Variants in HIRA observed in about 807,000 individuals in gnomAD.
HIRA encodes protein HIRA.
Under a neutral mutation model 126.6 loss-of-function variants are expected in HIRA, and 13 were observed. That is an observed-to-expected ratio of 0.10 (90% CI 0.07 to 0.16). HIRA has a LOEUF of 0.16. HIRA is among the 10% of genes least tolerant of loss of function. The pLI is 1.00. For missense variants in HIRA, 834 were observed against 1,314.4 expected (o/e 0.63, Z 5.65); for synonymous variants, 511 against 520.0 (o/e 0.98, Z 0.24).
At chr22:19,345,379 C>T (rs868943852) in intron 24 of HIRA, among the ~76,000 whole-genome samples, 3 of 152,186 alleles carry the variant, frequency 2.0e-5, no homozygotes, top group African/African-American at 4.8e-5. Flanking sequence ...CCTCACCCTT[C>T]GGCTCTCAGT....
At chr22:19,399,180 G>T in intron 5 of HIRA, 1 of 984,462 alleles carries the variant, frequency 1.0e-6, no homozygotes, top group Non-Finnish European at 1.2e-6. Context: ...TAACCTCAGC[G>T]CCTGGTGCAG....
intron 24 of HIRA, among the ~76,000 whole-genome samples, chr22:19,341,474 C>T (rs1556007529): frequency 7.5e-6 from 1 of 133,842 alleles, no homozygotes; most frequent in Non-Finnish European, 1.6e-5. Context: ...AAAAAAAAAT[C>T]ATATGGAACA....
chr22:19,408,978 A>G (rs949081848), intron 2 of HIRA, among the ~76,000 whole-genome samples: 2 of 152,174 alleles, frequency 1.3e-5, no homozygotes, highest in Admixed American at 1.3e-4. Flanking sequence ...AGGAGAAGGG[A>G]AAGTCAATGT....
intron 15 of HIRA, among the ~76,000 whole-genome samples, chr22:19,372,302 A>G (rs1197096340): frequency 6.6e-6 from 1 of 152,198 alleles, no homozygotes; most frequent in Non-Finnish European, 1.5e-5. Flanking sequence ...GAAGTATTTC[A>G]TTGAAGTTTT....
intron 24 of HIRA, among the ~76,000 whole-genome samples, chr22:19,348,321 A>G (rs2088711066): frequency 6.6e-6 from 1 of 152,228 alleles, no homozygotes; most frequent in African/African-American, 2.4e-5. Flanking sequence ...AGATAAGACA[A>G]TCTGAATGAG....
intron 1 of HIRA, among the ~76,000 whole-genome samples, chr22:19,429,732 T>C (rs1013164760): frequency 6.6e-6 from 1 of 152,208 alleles, no homozygotes; most frequent in African/African-American, 2.4e-5. Flanking sequence ...CATAAAACTT[T>C]TGGCCTACAA....
chr22:19,364,222 GGTGTA>G (rs1326938987), intron 15 of HIRA, among the ~76,000 whole-genome samples: 1 of 151,936 alleles, frequency 6.6e-6, no homozygotes, highest in African/African-American at 2.4e-5. Flanking sequence ...AAAAAAAGGT[GGTGTA>G]GTTACGTAAG....
chr22:19,358,864 C>T (rs550905398), intron 18 of HIRA, among the ~76,000 whole-genome samples: 29 of 152,262 alleles, frequency 1.9e-4, no homozygotes, highest in Admixed American at 6.5e-4. Flanking sequence ...TACTGGGTGA[C>T]TAATCACTGA....
intron 3 of HIRA, among the ~76,000 whole-genome samples, chr22:19,407,848 A>AGAGC (rs1282161214): frequency 2.6e-5 from 4 of 152,344 alleles, no homozygotes; most frequent in African/African-American, 7.2e-5. Context: ...CTGATGGGCC[A>AGAGC]GAGCCTCCAA....
intron 9 of HIRA, among the ~76,000 whole-genome samples, chr22:19,389,021 C>A (rs1465500421): frequency 6.6e-6 from 1 of 152,186 alleles, no homozygotes; most frequent in African/African-American, 2.4e-5. Flanking sequence ...TTATCCAAGG[C>A]TCATTCTACA....
At chr22:19,408,673 G>A (rs1230676653) in intron 2 of HIRA, 80 bp from the exon 3 acceptor site, 4 of 777,442 alleles carry the variant, frequency 5.1e-6, no homozygotes, top group Non-Finnish European at 9.1e-6. Context: ...ATTAAATTAG[G>A]AGAAGTCCTC....
chr22:19,342,146 T>C (rs2088636099), intron 24 of HIRA, among the ~76,000 whole-genome samples: 1 of 152,020 alleles, frequency 6.6e-6, no homozygotes, highest in Admixed American at 6.5e-5. Flanking sequence ...ACAAAGAACA[T>C]GAATAGACAA....
At chr22:19,404,383 C>T (rs1187337977) in intron 5 of HIRA, among the ~76,000 whole-genome samples, 1 of 152,226 alleles carries the variant, frequency 6.6e-6, no homozygotes, top group Non-Finnish European at 1.5e-5. Context: ...CTACCCCACA[C>T]TTGGGCACCC....
At chr22:19,418,333 A>G (rs1304638089) in intron 1 of HIRA, among the ~76,000 whole-genome samples, 1 of 152,056 alleles carries the variant, frequency 6.6e-6, no homozygotes, top group Non-Finnish European at 1.5e-5. Context: ...GTGTAATTAT[A>G]AAAATTGTTG....
chr22:19,348,473 T>C lies in HIRA; in HGVS notation c.2937+2885A>G, dbSNP rs142380482. 5.2e-3 allele frequency among the ~76,000 whole-genome samples: 793 copies of C among 152,012 alleles called. 14 individuals are homozygous for C. The highest frequency in any genetic ancestry group is 0.019 in the African/African-American group (776 of 41,492). On this transcript the variant is annotated intron_variant, in intron 24 of 24. Transcript: ENST00000263208. ...CCTAAATTAAAAATCTGGTGAAGAA[T>C]TGAAAGCATGAAAAATGATACAGCT...
Position 19,410,632 on chromosome 22 carries a change from TC to T in HIRA, c.100+83del, listed in dbSNP as rs568169382. On this transcript the variant is annotated intron_variant, in intron 2 of 24. Transcript: ENST00000263208. ...ATCCATCCTGAAAAATAGCAAGTAT[TC>T]CCTCTACAGCTAAATGGACAGCAGG... The T allele has an allele frequency of 8.8e-4, 820 of 935,290 alleles. 2 individuals are homozygous for T. Among genetic ancestry groups the T allele is most frequent in the Non-Finnish European group, 1.2e-3 (690 of 579,970 alleles). The allele number at this position is 935,290 out of a possible 1,614,324, so 57.9% of individuals were successfully genotyped here. A position where few individuals can be genotyped will look rare whatever the true frequency, so the allele number is the denominator to read the frequency against.
At chr22:19,348,787 G>C (rs558228347) in intron 24 of HIRA, among the ~76,000 whole-genome samples, 1 of 151,820 alleles carries the variant, frequency 6.6e-6, no homozygotes, top group South Asian at 2.1e-4. Flanking sequence ...GAGCCACCAC[G>C]CTTGGCCTTT....
At chr22:19,424,008 C>T (rs968107640) in intron 1 of HIRA, among the ~76,000 whole-genome samples, 1 of 152,200 alleles carries the variant, frequency 6.6e-6, no homozygotes, top group African/African-American at 2.4e-5. Flanking sequence ...ATCAACTCTA[C>T]CAGCCAAGGA....
At chr22:19,418,804 T>A (rs1193082766) in intron 1 of HIRA, among the ~76,000 whole-genome samples, 2 of 152,136 alleles carry the variant, frequency 1.3e-5, no homozygotes, top group African/African-American at 2.4e-5. Context: ...GTAGCATATG[T>A]CAATGTCAAC....
Sources: allele counts gnomAD v4.1 joint callset (sites outside exome capture counted in the v4.1 genomes callset), GRCh38; gene constraint gnomAD v4.1.1; transcripts MANE v1.5; gene names NCBI Gene and HGNC (gene_info 2026-07-23, HGNC 2026-07-21).